NEDD9: variants seen among roughly 807,000 people sequenced by gnomAD.
The protein encoded by NEDD9 is neural precursor cell expressed, developmentally down-regulated 9.
Under a neutral mutation model 76.6 loss-of-function variants are expected in NEDD9, and 26 were observed. That is an observed-to-expected ratio of 0.34 (90% CI 0.25 to 0.47). The LOEUF (loss-of-function observed/expected upper bound fraction) is 0.47, where lower values mean the gene tolerates loss of function less well. Among genes scored for constraint, NEDD9 ranks in the 20% least tolerant of loss-of-function variants. The probability of loss-of-function intolerance (pLI) is 1.00; values close to 1 mark genes in which losing one functional copy is unlikely to be tolerated. For synonymous variants in NEDD9, 392 were observed against 414.2 expected, an observed-to-expected ratio of 0.95 and a Z score of 0.65; for missense variants, 937 against 1,058.5, an observed-to-expected ratio of 0.89 and a Z score of 1.59.
At chr6:11,221,554 G>A (rs939761822) in intron 1 of NEDD9, among the ~76,000 whole-genome samples, 2 of 152,008 alleles carry the variant, frequency 1.3e-5, no homozygotes, top group Non-Finnish European at 2.9e-5. Flanking sequence ...CAGCCCAGAG[G>A]GTCTCAGATT....
At chr6:11,269,237 TC>T (rs1250605069) in intron 3 of NEDD9, among the ~76,000 whole-genome samples, 1 of 152,248 alleles carries the variant, frequency 6.6e-6, no homozygotes, top group Non-Finnish European at 1.5e-5. Flanking sequence ...ACAATAAATT[TC>T]TGACTTTCTC....
At chr6:11,359,041 A>G (rs1762632642) in intron 1 of NEDD9, among the ~76,000 whole-genome samples, 1 of 152,210 alleles carries the variant, frequency 6.6e-6, no homozygotes, top group Non-Finnish European at 1.5e-5. Context: ...AAGCTTAGAG[A>G]GACTTGAGAG....
chr6:11,201,568 C>CA (rs1758457158), intron 2 of NEDD9, among the ~76,000 whole-genome samples: 2 of 152,168 alleles, frequency 1.3e-5, no homozygotes, highest in Admixed American at 1.3e-4. Context: ...GGATGGGAGA[C>CA]AGAGAGATGG....
At chr6:11,360,824 C>G (rs1456842475) in intron 1 of NEDD9, among the ~76,000 whole-genome samples, 1 of 152,166 alleles carries the variant, frequency 6.6e-6, no homozygotes, top group Non-Finnish European at 1.5e-5. Context: ...GGGAAGGCTA[C>G]CACTCCTTGC....
At chr6:11,270,094 A>C (rs1360620471) in intron 3 of NEDD9, among the ~76,000 whole-genome samples, 1 of 152,224 alleles carries the variant, frequency 6.6e-6, no homozygotes, top group Non-Finnish European at 1.5e-5. Flanking sequence ...GCATCACTGC[A>C]CTCCAGTCTG....
chr6:11,240,123 C>T (rs1161910716), intron 3 of NEDD9, among the ~76,000 whole-genome samples: 2 of 151,786 alleles, frequency 1.3e-5, no homozygotes, highest in African/African-American at 2.4e-5. Context: ...CTCCTTGACT[C>T]GTGATCCCTG....
At chr6:11,293,230 A>G (rs1582002955) in intron 3 of NEDD9, among the ~76,000 whole-genome samples, 2 of 151,684 alleles carry the variant, frequency 1.3e-5, no homozygotes, top group East Asian at 1.9e-4. Context: ...CAACAGTCCA[A>G]TAAGATGGGT....
intron 2 of NEDD9, among the ~76,000 whole-genome samples, chr6:11,327,950 A>G (rs559408423): frequency 2.2e-4 from 34 of 152,358 alleles, no homozygotes; most frequent in Admixed American, 1.5e-3. Context: ...CTTCTCTTCC[A>G]CTTATATGAG....
At chr6:11,319,583 C>T (rs1582025780) in intron 2 of NEDD9, among the ~76,000 whole-genome samples, 1 of 147,968 alleles carries the variant, frequency 6.8e-6, no homozygotes, top group Non-Finnish European at 1.5e-5. Context: ...TATGCACTCA[C>T]ACTAACGCAC....
Position 11,253,998 on chromosome 6 carries a change from C to T in NEDD9, c.13-40271G>A, listed in dbSNP as rs199941737. On this transcript the variant is annotated intron_variant, in intron 3 of 3. Coordinates refer to the NEDD9 transcript ENST00000397378. ...AAAGCATGAAATTACAGATAAAATA[C>T]ACGATGGCCAATTACATTTGAATTT... Among the ~76,000 whole-genome samples the T allele has an allele frequency of 3.3e-5, 5 of 152,158 alleles. No homozygotes were observed. The East Asian group carries it at 9.6e-4, about 29-fold the overall frequency.
At chr6:11,324,916 T>G (rs761305390) in intron 2 of NEDD9, among the ~76,000 whole-genome samples, 3 of 152,214 alleles carry the variant, frequency 2.0e-5, no homozygotes, top group Non-Finnish European at 4.4e-5. Flanking sequence ...TGACCTTTCT[T>G]ACTCATGTTA....
intron 3 of NEDD9, among the ~76,000 whole-genome samples, chr6:11,243,631 C>T (rs569263633): frequency 2.0e-5 from 3 of 152,320 alleles, no homozygotes; most frequent in South Asian, 2.1e-4. Flanking sequence ...TCAACTCCTT[C>T]GGTTTCCAAA....
intron 3 of NEDD9, among the ~76,000 whole-genome samples, chr6:11,288,143 G>T (rs1366983412): frequency 2.5e-4 from 38 of 152,174 alleles, no homozygotes. Context: ...TTTATATGTG[G>T]CTCAGTCAAA....
chr6:11,354,643 C>T (rs1202891885), intron 1 of NEDD9, among the ~76,000 whole-genome samples: 1 of 152,168 alleles, frequency 6.6e-6, no homozygotes, highest in Non-Finnish European at 1.5e-5. Flanking sequence ...GCATCTGTTC[C>T]TCCTCTGCTT....
chr6:11,202,586 CAT>C (rs1212805944), intron 2 of NEDD9, among the ~76,000 whole-genome samples: 2 of 152,232 alleles, frequency 1.3e-5, no homozygotes, highest in Non-Finnish European at 2.9e-5. Flanking sequence ...AGAAAAGCCA[CAT>C]GTTGCCTACC....
At chr6:11,359,178 G>C (rs1027328856) in intron 1 of NEDD9, among the ~76,000 whole-genome samples, 3 of 152,342 alleles carry the variant, frequency 2.0e-5, no homozygotes, top group Non-Finnish European at 2.9e-5. Context: ...CAGAGACAGA[G>C]AGCCAGCAAG....
chr6:11,272,762 C>T (rs1035278248), intron 3 of NEDD9, among the ~76,000 whole-genome samples: 15 of 152,294 alleles, frequency 9.8e-5, no homozygotes, highest in Admixed American at 2.6e-4. Context: ...AAAGCCATGC[C>T]TGGGAGCCGC....
At chr6:11,344,702 C>T (rs887967104) in intron 1 of NEDD9, among the ~76,000 whole-genome samples, 4 of 152,180 alleles carry the variant, frequency 2.6e-5, no homozygotes, top group Admixed American at 6.5e-5. Context: ...GCCAGCACTG[C>T]GCCTCTCCTC....
At chr6:11,298,402 A>G (rs1760955047) in intron 3 of NEDD9, among the ~76,000 whole-genome samples, 1 of 152,246 alleles carries the variant, frequency 6.6e-6, no homozygotes, top group African/African-American at 2.4e-5. Flanking sequence ...TTGACTCAAC[A>G]TAGATAATTC....
Sources: gnomAD v4.1 joint callset for allele counts (sites outside exome capture counted in the v4.1 genomes callset) on GRCh38, gnomAD v4.1.1 for gene constraint, MANE v1.5 for transcripts, NCBI Gene and HGNC (gene_info 2026-07-23, HGNC 2026-07-21) for gene names.